COL23A1: variants seen among roughly 807,000 people sequenced by gnomAD.
The protein encoded by COL23A1 is collagen alpha-1(XXIII) chain.
In COL23A1, 97 loss-of-function variants were observed where a neutral mutation model predicts 99.3. The observed-to-expected ratio is 0.98, with a 90% CI of 0.83 to 1.16. The LOEUF is 1.16. Among genes scored for constraint, COL23A1 ranks in the 50% most tolerant of loss-of-function variants. The pLI is 0.00. For missense variants in COL23A1, 762 were observed against 757.4 expected (o/e 1.01, Z -0.07); for synonymous variants, 320 against 308.2 (o/e 1.04, Z -0.40).
At chr5:178,261,273 G>C (rs1765609729) in intron 11 of COL23A1, among the ~76,000 whole-genome samples, 1 of 152,032 alleles carries the variant, frequency 6.6e-6, no homozygotes, top group African/African-American at 2.4e-5. Context: ...AATTAGCTGG[G>C]CATGGTGGCA....
At chr5:178,336,611 T>A (rs902749375) in intron 2 of COL23A1, among the ~76,000 whole-genome samples, 1 of 152,144 alleles carries the variant, frequency 6.6e-6, no homozygotes, top group Non-Finnish European at 1.5e-5. Flanking sequence ...GGGAGGAGTA[T>A]CCTTTTGGGT....
intron 13 of COL23A1, 23 bp from the exon 14 acceptor site, chr5:178,256,951 G>A (rs755216426): frequency 5.3e-5 from 86 of 1,611,558 alleles, no homozygotes; most frequent in Non-Finnish European, 7.0e-5. Context: ...CAGCTGCAGT[G>A]AGAGCAAGTG....
At chr5:178,584,317 C>A (rs1763811787) in intron 1 of COL23A1, among the ~76,000 whole-genome samples, 1 of 150,348 alleles carries the variant, frequency 6.7e-6, no homozygotes, top group Non-Finnish European at 1.5e-5. Flanking sequence ...GCCACACACA[C>A]ACACACACAC....
intron 12 of COL23A1, 27 bp downstream of exon 12, chr5:178,259,694 G>A (rs200509783): frequency 6.9e-6 from 10 of 1,449,556 alleles, no homozygotes; most frequent in South Asian, 2.3e-5. Flanking sequence ...ACACTGACCC[G>A]GAAGCTCCTC....
At chr5:178,263,160 G>A in intron 9 of COL23A1, 48 bp downstream of exon 9, 1 of 1,335,172 alleles carries the variant, frequency 7.5e-7, no homozygotes, top group Non-Finnish European at 1.1e-6. Flanking sequence ...ATCAGGATTT[G>A]GGGTTTTGGT....
chr5:178,381,449 C>A (rs1303701482), intron 2 of COL23A1, among the ~76,000 whole-genome samples: 1 of 152,178 alleles, frequency 6.6e-6, no homozygotes, highest in Non-Finnish European at 1.5e-5. Flanking sequence ...GGGACACCAG[C>A]ACCACCGGGA....
chr5:178,354,886 G>A (rs575031680), intron 2 of COL23A1, among the ~76,000 whole-genome samples: 4 of 152,046 alleles, frequency 2.6e-5, no homozygotes, highest in East Asian at 3.9e-4. Flanking sequence ...GTGAAACCCC[G>A]TCTCTAGTAA....
At chr5:178,440,570 G>A (rs1212982425) in intron 2 of COL23A1, among the ~76,000 whole-genome samples, 1 of 151,782 alleles carries the variant, frequency 6.6e-6, no homozygotes, top group Non-Finnish European at 1.5e-5. Context: ...AGAATGCGGT[G>A]TATACAGTAA....
At chr5:178,318,528 T>A (rs1266073468) in intron 2 of COL23A1, among the ~76,000 whole-genome samples, 1 of 152,114 alleles carries the variant, frequency 6.6e-6, no homozygotes, top group Non-Finnish European at 1.5e-5. Flanking sequence ...CTCAGAGCCA[T>A]GAGAACATCT....
chr5:178,342,540 G>C (rs903666031), intron 2 of COL23A1, among the ~76,000 whole-genome samples: 1 of 152,206 alleles, frequency 6.6e-6, no homozygotes, highest in Non-Finnish European at 1.5e-5. Flanking sequence ...CCTGGGTTGA[G>C]TGATGCCCCA....
Position 178,533,175 on chromosome 5 carries a change from CTA to C in COL23A1, c.361+27505_361+27506del, listed in dbSNP as rs535959063. On this transcript the variant is annotated intron_variant, in intron 2 of 28. Transcript: ENST00000390654. Reference sequence around the variant, plus strand: ...AAGCTCTGAGGCTGTACAGATGAAACTATTTTTTTTATTGCGGTAAAGTGTAT... The same window carrying C: ...AAGCTCTGAGGCTGTACAGATGAAACTTTTTTTTATTGCGGTAAAGTGTAT... Among the ~76,000 whole-genome samples the C allele has an allele frequency of 3.4e-4, 52 of 152,276 alleles. No individual in the cohort carries two copies. The South Asian group carries it at 0.011, about 31-fold the overall frequency.
At chr5:178,425,468 A>AATAAATAT (rs1396238418) in intron 2 of COL23A1, among the ~76,000 whole-genome samples, 1 of 150,874 alleles carries the variant, frequency 6.6e-6, no homozygotes, top group African/African-American at 2.4e-5. Context: ...TAAATAAATA[A>AATAAATAT]AAATAAAATA....
intron 2 of COL23A1, among the ~76,000 whole-genome samples, chr5:178,354,823 G>A (rs10078670): frequency 0.041 from 6,205 of 152,194 alleles, 412 homozygotes; most frequent in African/African-American, 0.14. Context: ...TTGGGAGGCC[G>A]AGGCAGATGG....
chr5:178,300,277 G>A lies in COL23A1; in HGVS notation c.406+6598C>T, dbSNP rs552969197. Among the ~76,000 whole-genome samples the A allele has an allele frequency of 2.3e-4, 35 of 151,152 alleles. No individual in the cohort carries two copies. The East Asian group carries it at 5.3e-3, about 23-fold the overall frequency. On this transcript the variant is annotated intron_variant, in intron 3 of 28. Coordinates refer to ENST00000390654, the MANE Select transcript of COL23A1 (RefSeq NM_173465.4). Reference sequence around the variant, plus strand: ...TTTTTCAGTAGAGACCATCTTGGCCGGGCTGGTCTTGAACTCCTGACCTTG... The same window carrying A: ...TTTTTCAGTAGAGACCATCTTGGCCAGGCTGGTCTTGAACTCCTGACCTTG...
At chr5:178,546,678 G>A (rs573063635) in intron 2 of COL23A1, among the ~76,000 whole-genome samples, 1 of 152,338 alleles carries the variant, frequency 6.6e-6, no homozygotes, top group South Asian at 2.1e-4. Context: ...AAGGATGAAG[G>A]GAAAACAGAA....
At chr5:178,479,699 T>C (rs1472027498) in intron 2 of COL23A1, among the ~76,000 whole-genome samples, 4 of 152,178 alleles carry the variant, frequency 2.6e-5, no homozygotes, top group African/African-American at 9.7e-5. Flanking sequence ...AATGACGTTG[T>C]GGTTATGCAG....
intron 20 of COL23A1, 87 bp downstream of exon 20, chr5:178,248,105 G>C (rs1342829949): frequency 1.0e-6 from 1 of 974,868 alleles, no homozygotes; most frequent in African/African-American, 1.6e-5. Flanking sequence ...GCTCAGGCCA[G>C]GTGGCCTTTT....
intron 2 of COL23A1, among the ~76,000 whole-genome samples, chr5:178,430,917 C>G (rs923487293): frequency 5.9e-5 from 9 of 152,062 alleles, no homozygotes; most frequent in Admixed American, 4.6e-4. Flanking sequence ...ACGTGATGCC[C>G]TGGGTGAGTT....
chr5:178,456,208 C>T (rs943733867), intron 2 of COL23A1, among the ~76,000 whole-genome samples: 11 of 152,076 alleles, frequency 7.2e-5, no homozygotes, highest in African/African-American at 2.7e-4. Flanking sequence ...AAGAGTTATA[C>T]GTAAAAATAA....
Sources: gnomAD v4.1 joint callset for allele counts (sites outside exome capture counted in the v4.1 genomes callset) on GRCh38, gnomAD v4.1.1 for gene constraint, MANE v1.5 for transcripts, NCBI Gene and HGNC (gene_info 2026-07-23, HGNC 2026-07-21) for gene names.